Variants in AFF3 observed in about 807,000 individuals in gnomAD.
AFF3 encodes the protein AF4/FMR2 family member 3.
In AFF3, 32 loss-of-function variants were observed where a neutral mutation model predicts 129.7. The observed-to-expected ratio is 0.25, with a 90% CI of 0.19 to 0.33. The LOEUF is 0.33. AFF3 is among the 10% of genes least tolerant of loss of function. The pLI, the probability that AFF3 is intolerant of heterozygous loss-of-function variation, is 1.00. For missense variants in AFF3, 1,373 were observed against 1,592.0 expected, an observed-to-expected ratio of 0.86 and a Z score of 2.34; for synonymous variants, 644 against 635.4, an observed-to-expected ratio of 1.01 and a Z score of -0.20.
At chr2:100,017,246 TTC>T (rs1683211436) in intron 4 of AFF3, among the ~76,000 whole-genome samples, 1 of 152,168 alleles carries the variant, frequency 6.6e-6, no homozygotes, top group Admixed American at 6.5e-5. Flanking sequence ...CTCATGAATG[TTC>T]ACTCTACTTT....
At chr2:99,640,461 C>G (rs1684089110) in intron 13 of AFF3, among the ~76,000 whole-genome samples, 1 of 152,172 alleles carries the variant, frequency 6.6e-6, no homozygotes, top group South Asian at 2.1e-4. Context: ...GCATTAGTAG[C>G]ATCCTGCTTC....
chr2:99,984,139 T>C lies in AFF3; in HGVS notation c.873+22493A>G, dbSNP rs73964392. On this transcript the variant is annotated intron_variant, in intron 7 of 24. Transcript: ENST00000672756. ...TTTATTTTTTAATTTCACAACATAG[T>C]GTAAATTAAAATTTAAAATGTGAAA... Among the ~76,000 whole-genome samples, 1,322 of 152,332 alleles carry C rather than the reference T, an allele frequency of 8.7e-3. 19 individuals are homozygous for C. The highest frequency in any genetic ancestry group is 0.03 in the African/African-American group (1,250 of 41,590).
intron 8 of AFF3, among the ~76,000 whole-genome samples, chr2:99,828,564 C>T (rs376555053): frequency 1.2e-4 from 19 of 152,318 alleles, no homozygotes; most frequent in African/African-American, 4.6e-4. Flanking sequence ...ACGAGACGGA[C>T]CCACTTCCAA....
intron 4 of AFF3, among the ~76,000 whole-genome samples, chr2:100,025,507 T>A (rs182877744): frequency 3.2e-4 from 49 of 152,032 alleles, no homozygotes; most frequent in Non-Finnish European, 4.4e-4. Context: ...GCAATCCCCA[T>A]CAAAATACCA....
chr2:99,749,622 A>T (rs1253424997), intron 9 of AFF3, among the ~76,000 whole-genome samples: 3 of 152,230 alleles, frequency 2.0e-5, no homozygotes, highest in African/African-American at 7.2e-5. Flanking sequence ...CACACTGAAT[A>T]AACTGTTCAG....
At chr2:99,809,288 C>G (rs981204001) in intron 8 of AFF3, among the ~76,000 whole-genome samples, 1 of 152,216 alleles carries the variant, frequency 6.6e-6, no homozygotes, top group Non-Finnish European at 1.5e-5. Flanking sequence ...AAGAGAAGAA[C>G]AAGGAGCGGC....
chr2:99,645,164 C>T (rs373023617), intron 13 of AFF3, among the ~76,000 whole-genome samples: 2 of 152,038 alleles, frequency 1.3e-5, no homozygotes, highest in Non-Finnish European at 2.9e-5. Context: ...GTGAAGCCCC[C>T]CCTCTACGAA....
At chr2:99,727,842 G>A (rs866114074) in intron 10 of AFF3, among the ~76,000 whole-genome samples, 25 of 152,274 alleles carry the variant, frequency 1.6e-4, no homozygotes, top group Non-Finnish European at 1.8e-4. Flanking sequence ...AATTACAGGC[G>A]TGAACCACCA....
chr2:100,005,495 A>G (rs1381873325), intron 7 of AFF3, among the ~76,000 whole-genome samples: 2 of 152,236 alleles, frequency 1.3e-5, no homozygotes, highest in Non-Finnish European at 2.9e-5. Context: ...TGATGAATTC[A>G]GTTTTGTAAG....
At chr2:99,867,002 A>ATGAT (rs767813598) in intron 7 of AFF3, among the ~76,000 whole-genome samples, 1 of 95,490 alleles carries the variant, frequency 1.0e-5, no homozygotes, top group Non-Finnish European at 2.1e-5. Flanking sequence ...AATAATAATA[A>ATGAT]AAAATAAATA....
intron 1 of AFF3, among the ~76,000 whole-genome samples, chr2:100,130,426 A>C (rs910602770): frequency 2.0e-5 from 3 of 152,210 alleles, no homozygotes; most frequent in Admixed American, 1.3e-4. Flanking sequence ...CCCCATGGGC[A>C]CAGGGCTCGA....
At chr2:99,677,868 G>A (rs984538895) in intron 11 of AFF3, among the ~76,000 whole-genome samples, 1 of 152,084 alleles carries the variant, frequency 6.6e-6, no homozygotes, top group Non-Finnish European at 1.5e-5. Context: ...ATCTAGGCTG[G>A]AGTGCAGTGG....
At chr2:99,566,361 T>C (rs1675966503) in intron 19 of AFF3, among the ~76,000 whole-genome samples, 1 of 151,944 alleles carries the variant, frequency 6.6e-6, no homozygotes, top group South Asian at 2.1e-4. Flanking sequence ...TTTGCTAAAA[T>C]AGGACAAAAA....
intron 4 of AFF3, among the ~76,000 whole-genome samples, chr2:100,019,159 G>A (rs17020597): frequency 0.019 from 2,834 of 152,154 alleles, 94 homozygotes; most frequent in African/African-American, 0.066. Context: ...CAGTCTCACG[G>A]ACCCAGAAAG....
chr2:99,959,810 C>G (rs1191260436), intron 7 of AFF3, among the ~76,000 whole-genome samples: 1 of 151,466 alleles, frequency 6.6e-6, no homozygotes, highest in African/African-American at 2.4e-5. Context: ...CTTGCTAAAT[C>G]CATGTTCACA....
chr2:99,604,264 C>G (rs574173201), intron 13 of AFF3, among the ~76,000 whole-genome samples: 1 of 152,072 alleles, frequency 6.6e-6, no homozygotes, highest in Non-Finnish European at 1.5e-5. Context: ...AAATGTGGTA[C>G]ACATATACCA....
chr2:99,815,187 C>T (rs1342453209), intron 8 of AFF3, among the ~76,000 whole-genome samples: 1 of 152,090 alleles, frequency 6.6e-6, no homozygotes, highest in Non-Finnish European at 1.5e-5. Context: ...AATAGAGTTG[C>T]TTTATGATCA....
chr2:100,100,544 T>C (rs1690649821), intron 4 of AFF3, among the ~76,000 whole-genome samples: 1 of 152,186 alleles, frequency 6.6e-6, no homozygotes, highest in Non-Finnish European at 1.5e-5. Flanking sequence ...CTTTCCATCC[T>C]CCACCCAAGT....
In AFF3 at chr2:99,647,482, G is replaced by A. The variant is rs576813501; in HGVS notation, c.1184+2144C>T. ...GGGGAAACACACACTGGGTCCTGCC[G>A]GTGAGGTGTCAGGGGAGGGATAACA... is the stretch of plus-strand genomic sequence containing the variant. On this transcript the variant is annotated intron_variant, in intron 13 of 24. Coordinates refer to ENST00000672756, the MANE Select transcript of AFF3 (RefSeq NM_001386135.1). Among the ~76,000 whole-genome samples the A allele has an allele frequency of 7.2e-5, 11 of 152,256 alleles. No homozygotes were observed. The East Asian group carries it at 7.7e-4, about 11-fold the overall frequency.
Sources: gnomAD v4.1 joint callset for allele counts (sites outside exome capture counted in the v4.1 genomes callset) on GRCh38, gnomAD v4.1.1 for gene constraint, MANE v1.5 for transcripts, NCBI Gene and HGNC (gene_info 2026-07-23, HGNC 2026-07-21) for gene names.